The following SERPINA12 variants were observed in gnomAD, a reference collection of about 807,000 sequenced individuals.
The protein encoded by SERPINA12 is serpin A12.
SERPINA12 carries 21 observed loss-of-function variants against 25.9 expected under a neutral mutation model. That is an observed-to-expected ratio of 0.81 (90% CI 0.58 to 1.17). The LOEUF is 1.17. SERPINA12 is among the 50% of genes most tolerant of loss of function. The pLI, the probability that SERPINA12 is intolerant of heterozygous loss-of-function variation, is 0.00. For synonymous variants in SERPINA12, 220 were observed against 196.0 expected (o/e 1.12, Z -1.02); for missense variants, 562 against 508.3 (o/e 1.11, Z -1.02).
upstream of SERPINA12, chr14:94,511,621 C>G (rs192943600): frequency 3.5e-5 from 34 of 985,438 alleles, no homozygotes; most frequent in African/African-American, 5.2e-4. Flanking sequence ...CTGAGCCATT[C>G]GACTTCTCCT....
At chr14:94,512,668 G>A (rs1163378296), upstream of SERPINA12, among the ~76,000 whole-genome samples, 1 of 152,196 alleles carries the variant, frequency 6.6e-6, no homozygotes, top group East Asian at 1.9e-4. Flanking sequence ...CCTCTCAAAT[G>A]AAACATGTGT....
At chr14:94,516,402 C>T (rs1318017149) in intron 1 of SERPINA12, among the ~76,000 whole-genome samples, 4 of 152,104 alleles carry the variant, frequency 2.6e-5, no homozygotes, top group African/African-American at 7.2e-5. Context: ...CACAGTGACT[C>T]GAGGAAGGGG....
chr14:94,496,615 A>G lies in SERPINA12; in HGVS notation c.663T>C (p.Asn221=), dbSNP rs918381003. The change falls in exon 3 of 5, where the codon AAT becomes AAC. Residue 221 remains asparagine (N), a synonymous_variant. Transcript: ENST00000677451. ...GAAAGAAATCTTCCTCTTTAGTTAC[A>G]TTTGGATCAAACTCATGTTTCCACC... ...RARWKHEFDP[N]VTKEEDFFLE... is the part of the protein sequence containing the mutation. The G allele has an allele frequency of 2.5e-6, 4 of 1,613,958 alleles. No individual in the cohort carries two copies. In the African/African-American group the frequency reaches 4.0e-5, roughly 16 times the overall value.
rs540492288 is a variant in SERPINA12 at position 94,488,169 on chromosome 14, G to A, written c.1054-675C>T. 1.6e-4 allele frequency among the ~76,000 whole-genome samples: 25 copies of A among 152,332 alleles called. No homozygotes were observed. In the South Asian group the frequency reaches 4.8e-3, roughly 29 times the overall value. ...AAACTCAACAAGACCTTCAGAGCTGGTGTTAAATGTTTGTGGGAAGTCTGT... is the reference window on the plus strand; with the variant it reads ...AAACTCAACAAGACCTTCAGAGCTGATGTTAAATGTTTGTGGGAAGTCTGT... On this transcript the variant is annotated intron_variant, in intron 4 of 4. Coordinates refer to ENST00000677451, the MANE Select transcript of SERPINA12 (RefSeq NM_001382267.1).
intron 1 of SERPINA12, among the ~76,000 whole-genome samples, chr14:94,499,721 A>G (rs1415430106): frequency 6.6e-6 from 1 of 152,158 alleles, no homozygotes; most frequent in Non-Finnish European, 1.5e-5. Flanking sequence ...GTATTGAGGC[A>G]GTTGTCTTCC....
rs75460206 is a variant in SERPINA12 at position 94,488,403 on chromosome 14, C to T, written c.1054-909G>A. On this transcript the variant is annotated intron_variant, in intron 4 of 4. Coordinates refer to ENST00000677451, the MANE Select transcript of SERPINA12 (RefSeq NM_001382267.1). The stretch of plus-strand genomic sequence containing the variant: ...CTACTCCATGATATCCAAAAACCCC[C>T]AGCCTTGGCCACACTGCTGCACCCA... Among the ~76,000 whole-genome samples, 1,151 of 151,946 alleles carry T rather than the reference C, an allele frequency of 7.6e-3. 14 individuals are homozygous for T. Among genetic ancestry groups the T allele is most frequent in the African/African-American group, 0.027 (1,099 of 41,442 alleles).
In SERPINA12 at chr14:94,497,779, A is replaced by G. The variant is rs1474025794; in HGVS notation, c.619T>C (p.Tyr207His). 2 of 1,603,916 alleles carry G rather than the reference A, an allele frequency of 1.2e-6. No homozygotes were observed. Among genetic ancestry groups the G allele is most frequent in the Non-Finnish European group, 1.7e-6 (2 of 1,175,364 alleles). ...AAAGCCTTACCTCGAAAGAAAATAT[A>G]ATTTGCAAGAAGCATCACAGTGCCG... Reference protein sequence around the residue: ...DPGTVMLLANYIFFRARWKHE... With the variant: ...DPGTVMLLANHIFFRARWKHE... Residue 207 changes from tyrosine to histidine, a missense_variant, in exon 2 of 5, where the codon TAT becomes CAT. Physicochemically the swap from Tyr to His is moderately conservative, Grantham distance 83. Transcript: ENST00000677451.
At chr14:94,512,244 A>G (rs1322159871), upstream of SERPINA12, among the ~76,000 whole-genome samples, 2 of 152,158 alleles carry the variant, frequency 1.3e-5, no homozygotes, top group African/African-American at 4.8e-5. Flanking sequence ...GTCCCCTCTC[A>G]GGGGGCATTG....
At chr14:94,506,893 A>G (rs1334746128) in intron 1 of SERPINA12, among the ~76,000 whole-genome samples, 1 of 152,246 alleles carries the variant, frequency 6.6e-6, no homozygotes, top group Non-Finnish European at 1.5e-5. Flanking sequence ...TAAAGCATTC[A>G]GCCACCAGGT....
intron 1 of SERPINA12, among the ~76,000 whole-genome samples, chr14:94,508,452 G>A (rs1000566073): frequency 6.6e-6 from 1 of 151,806 alleles, no homozygotes; most frequent in Non-Finnish European, 1.5e-5. Flanking sequence ...AATTCAAGAT[G>A]GCATTTCAGA....
intron 1 of SERPINA12, among the ~76,000 whole-genome samples, chr14:94,501,664 C>CG (rs1566812486): frequency 9.2e-6 from 1 of 108,974 alleles, no homozygotes; most frequent in Non-Finnish European, 1.7e-5. Flanking sequence ...CACCACCTCC[C>CG]CGCCCCCCCA....
At chr14:94,511,556 G>A (rs914016000), upstream of SERPINA12, 2 of 985,322 alleles carry the variant, frequency 2.0e-6, no homozygotes, top group African/African-American at 1.7e-5. Context: ...AGTATTTGTC[G>A]GGTTGGTTCG....
chr14:94,491,627 A>G lies in SERPINA12; in HGVS notation c.906-1860T>C, dbSNP rs79812393. On this transcript the variant is annotated intron_variant, in intron 3 of 4. Coordinates refer to ENST00000677451, the MANE Select transcript of SERPINA12 (RefSeq NM_001382267.1). ...CCAAATTCCAGATGTGGTTTGCTGT[A>G]GGCTAAAGGAGTTTCCTGACAGACT... 2.6e-3 allele frequency among the ~76,000 whole-genome samples: 403 copies of G among 152,206 alleles called. 2 individuals carry two copies. The highest frequency in any genetic ancestry group is 9.4e-3 in the African/African-American group (391 of 41,524).
chr14:94,501,096 G>T, intron 1 of SERPINA12: 2 of 985,308 alleles, frequency 2.0e-6, no homozygotes, highest in Non-Finnish European at 2.4e-6. Flanking sequence ...TTGTAGAAGA[G>T]AAATTAGTAA....
chr14:94,497,814 T>C lies in SERPINA12; in HGVS notation c.584A>G (p.Asn195Ser). The change falls in exon 2 of 5, where the codon AAT becomes AGT. Residue 195 changes from asparagine (N) to serine (S), a missense_variant. Coordinates refer to ENST00000677451, the MANE Select transcript of SERPINA12 (RefSeq NM_001382267.1). ...AAGCATCACAGTGCCGGGGTCTATA[T>C]TCTCGATCAGGTTGTTAATTTTCCC... ...THGKINNLIENIDPGTVMLLA... is the reference protein window; with the variant it reads ...THGKINNLIESIDPGTVMLLA... 2 of 1,613,888 alleles carry C rather than the reference T, an allele frequency of 1.2e-6. No homozygotes were observed. Among genetic ancestry groups the C allele is most frequent in the Non-Finnish European group, 1.7e-6 (2 of 1,179,926 alleles).
At chr14:94,504,622 G>T (rs1900867948) in intron 1 of SERPINA12, among the ~76,000 whole-genome samples, 1 of 152,210 alleles carries the variant, frequency 6.6e-6, no homozygotes, top group African/African-American at 2.4e-5. Context: ...TGGGGAAAAA[G>T]TTCGAGGACA....
chr14:94,505,877 G>A (rs888836549), intron 1 of SERPINA12, among the ~76,000 whole-genome samples: 5 of 152,228 alleles, frequency 3.3e-5, no homozygotes, highest in African/African-American at 1.2e-4. Flanking sequence ...GTAGCCACAG[G>A]TGGGCTGCCG....
Position 94,498,118 on chromosome 14 carries a change from T to A in SERPINA12, c.280A>T (p.Thr94Ser). 1 of 1,614,102 alleles carries A rather than the reference T, an allele frequency of 6.2e-7. No homozygotes were observed. The highest frequency in any genetic ancestry group is 8.5e-7 in the Non-Finnish European group (1 of 1,180,024). The change falls in exon 2 of 5, where the codon ACC (threonine) becomes TCC (serine). Residue 94 changes from threonine to serine, a missense_variant. Transcript: ENST00000677451. ...SMLCLGAQDS[T>S]LDEIKQGFNF... ...AACCCCTGCTTGATCTCGTCCAGGG[T>A]GCTGTCCTGGGCACCCAGGCACAGC...
chr14:94,490,023 T>C (rs3736805), intron 3 of SERPINA12, among the ~76,000 whole-genome samples: 2,754 of 151,610 alleles, frequency 0.018, 88 homozygotes, highest in East Asian at 0.12. Flanking sequence ...AAGTCTCAAG[T>C]TCCCCCGTCT....
Sources: allele counts gnomAD v4.1 joint callset (sites outside exome capture counted in the v4.1 genomes callset), GRCh38; gene constraint gnomAD v4.1.1; transcripts MANE v1.5; gene names NCBI Gene and HGNC (gene_info 2026-07-23, HGNC 2026-07-21).